The following SLC35F3 variants were observed in gnomAD, a reference collection of about 807,000 sequenced individuals.
SLC35F3 encodes solute carrier family 35 member F3.
SLC35F3 carries 25 observed loss-of-function variants against 49.9 expected under a neutral mutation model. That is an observed-to-expected ratio of 0.50 (90% confidence interval 0.37 to 0.70). The LOEUF (loss-of-function observed/expected upper bound fraction) is 0.70. Ranked by LOEUF, SLC35F3 falls within the 30% of genes least tolerant of loss-of-function variation. The pLI, the probability that SLC35F3 is intolerant of heterozygous loss-of-function variation, is 0.00. For synonymous variants in SLC35F3, 275 were observed against 265.4 expected (o/e 1.04, Z -0.35); for missense variants, 525 against 639.8 (o/e 0.82, Z 1.94).
At chr1:234,255,518 C>G (rs531783987) in intron 3 of SLC35F3, among the ~76,000 whole-genome samples, 10 of 152,292 alleles carry the variant, frequency 6.6e-5, no homozygotes, top group Non-Finnish European at 1.3e-4. Context: ...CCCAAATGAG[C>G]TGAAAACTTA....
intron 2 of SLC35F3, among the ~76,000 whole-genome samples, chr1:234,158,932 A>G (rs1335324126): frequency 6.6e-6 from 1 of 152,204 alleles, no homozygotes; most frequent in Non-Finnish European, 1.5e-5. Context: ...TTTTCCCCAT[A>G]GTAGACCATA....
At chr1:234,192,427 A>T (rs961287479) in intron 2 of SLC35F3, among the ~76,000 whole-genome samples, 1 of 152,198 alleles carries the variant, frequency 6.6e-6, no homozygotes, top group African/African-American at 2.4e-5. Flanking sequence ...CTTCAGCAAA[A>T]TCAGCATACA....
chr1:234,142,491 C>T (rs541550610), intron 2 of SLC35F3, among the ~76,000 whole-genome samples: 5 of 152,220 alleles, frequency 3.3e-5, no homozygotes, highest in South Asian at 2.1e-4. Flanking sequence ...GAAAGGGTTT[C>T]GGGGTGCAGA....
chr1:234,218,115 C>T lies in SLC35F3; in HGVS notation c.284-13302C>T, dbSNP rs35687454. Among the ~76,000 whole-genome samples the T allele has an allele frequency of 0.013, 1,973 of 152,270 alleles. 89 individuals carry two copies. In the East Asian group the frequency reaches 0.15, roughly 12 times the overall value. Reference sequence around the variant, plus strand: ...GCATCTGTCATGTCTAAAAACATACCTTGTTTTCACAGATCCTTTGCTTGG... The same window carrying T: ...GCATCTGTCATGTCTAAAAACATACTTTGTTTTCACAGATCCTTTGCTTGG... On this transcript the variant is annotated intron_variant, in intron 2 of 7. Coordinates refer to ENST00000366618, the MANE Select transcript of SLC35F3 (RefSeq NM_173508.4).
intron 2 of SLC35F3, among the ~76,000 whole-genome samples, chr1:234,042,537 GT>G (rs1664235855): frequency 6.6e-6 from 1 of 151,896 alleles, no homozygotes; most frequent in Non-Finnish European, 1.5e-5. Context: ...TTTTTCTTTT[GT>G]TTTTTTCAAC....
At position 234,059,255 on chromosome 1, in the gene SLC35F3, A is replaced by AG. The variant is rs1280535535; in HGVS notation, c.283+153499dup. Reference sequence around the variant, plus strand: ...TCTCGGTGTCTTATGGTAGAAGATTAGGTTTCTGATTTGATATGTGTCTTC... The same window carrying AG: ...TCTCGGTGTCTTATGGTAGAAGATTAGGGTTTCTGATTTGATATGTGTCTTC... On this transcript the variant is annotated intron_variant, in intron 2 of 7. Coordinates refer to ENST00000366618, the MANE Select transcript of SLC35F3 (RefSeq NM_173508.4). Among the ~76,000 whole-genome samples the AG allele has an allele frequency of 1.6e-4, 24 of 151,538 alleles. No individual in the cohort carries two copies. The East Asian group carries it at 4.7e-3, about 30-fold the overall frequency.
At chr1:234,151,457 C>T (rs1035931845) in intron 2 of SLC35F3, among the ~76,000 whole-genome samples, 5 of 150,892 alleles carry the variant, frequency 3.3e-5, no homozygotes, top group African/African-American at 9.7e-5. Flanking sequence ...GAAAGTGTGA[C>T]GGAAAAATGT....
At position 234,046,980 on chromosome 1, in the gene SLC35F3, G is replaced by T. The variant is rs1277566807; in HGVS notation, c.283+141222G>T. Among the ~76,000 whole-genome samples, 1 of 152,126 alleles carries T rather than the reference G, an allele frequency of 6.6e-6. No individual in the cohort carries two copies. Among genetic ancestry groups the T allele is most frequent in the Non-Finnish European group, 1.5e-5 (1 of 68,012 alleles). On this transcript the variant is annotated intron_variant, in intron 2 of 7. Coordinates refer to ENST00000366618, the MANE Select transcript of SLC35F3 (RefSeq NM_173508.4). This position sits in a 1 kb window ranked among gnomAD's most constrained non-coding sequence, Gnocchi z 4.4. ...TACTATAAGTCTCACTTCCTAACAG[G>T]TCAAATCCTCTATTTGGCTTTCTTC... is the stretch of plus-strand genomic sequence containing the variant.
At chr1:234,220,764 T>G (rs746571945) in intron 2 of SLC35F3, among the ~76,000 whole-genome samples, 69 of 152,138 alleles carry the variant, frequency 4.5e-4, no homozygotes, top group Non-Finnish European at 1.0e-4. Context: ...AGATTATGCC[T>G]AAACAATTCT....
chr1:234,097,070 G>T (rs1387008493), intron 2 of SLC35F3, among the ~76,000 whole-genome samples: 1 of 151,904 alleles, frequency 6.6e-6, no homozygotes, highest in African/African-American at 2.4e-5. Context: ...TGCATTTTTA[G>T]TAGAGACAGG....
intron 2 of SLC35F3, among the ~76,000 whole-genome samples, chr1:234,052,423 A>G (rs948729192): frequency 6.6e-6 from 1 of 152,064 alleles, no homozygotes; most frequent in African/African-American, 2.4e-5. Context: ...GTTTATTTGC[A>G]TAGAGGTGTT....
At chr1:234,016,388 C>G (rs1663802909) in intron 2 of SLC35F3, among the ~76,000 whole-genome samples, 1 of 152,088 alleles carries the variant, frequency 6.6e-6, no homozygotes, top group Non-Finnish European at 1.5e-5. Context: ...TGGAATCAAC[C>G]TAAGGATCCA....
chr1:234,077,958 G>GA (rs1419322397), intron 2 of SLC35F3, among the ~76,000 whole-genome samples: 1 of 152,108 alleles, frequency 6.6e-6, no homozygotes, highest in Admixed American at 6.5e-5. Context: ...TGTCAGGGAG[G>GA]AATTACTTCA....
At chr1:234,244,806 G>T (rs78104408) in intron 3 of SLC35F3, among the ~76,000 whole-genome samples, 26 of 151,918 alleles carry the variant, frequency 1.7e-4, no homozygotes, top group South Asian at 4.2e-4. Flanking sequence ...AGAATTTAGA[G>T]GATTTGTGCA....
rs1373405963 is a variant in SLC35F3, at chr1:234,117,932, G to GTATATATATATATATATATATATA, written c.284-113484_284-113483insATATATATATATATATATATATAT. Among the ~76,000 whole-genome samples, 4 of 51,738 alleles carry GTATATATATATATATATATATATA rather than the reference G, an allele frequency of 7.7e-5. No individual in the cohort carries two copies. In the Admixed American group the frequency reaches 9.4e-4, roughly 12 times the overall value. 33.9% of individuals were successfully genotyped at this position (51,738 alleles called of 152,430 possible). ...TATATATGTGTGTGTGTGTGTGTGT[G>GTATATATATATATATATATATATA]TGTGTGTGTGTGTGTGTGTGTGTGT... On this transcript the variant is annotated intron_variant, in intron 2 of 7. Coordinates refer to ENST00000366618, the MANE Select transcript of SLC35F3 (RefSeq NM_173508.4).
intron 2 of SLC35F3, among the ~76,000 whole-genome samples, chr1:233,985,504 A>G (rs1230057291): frequency 2.0e-5 from 3 of 152,224 alleles, no homozygotes; most frequent in African/African-American, 4.8e-5. Flanking sequence ...TTAACATGTC[A>G]TGTAAGTGTG....
intron 2 of SLC35F3, among the ~76,000 whole-genome samples, chr1:234,070,537 A>C (rs557270905): frequency 6.6e-6 from 1 of 152,318 alleles, no homozygotes; most frequent in Non-Finnish European, 1.5e-5. Context: ...AGTTTAGCAA[A>C]TATGGTGACC....
At chr1:234,321,749 G>A (rs759699534) in intron 7 of SLC35F3, among the ~76,000 whole-genome samples, 9 of 152,278 alleles carry the variant, frequency 5.9e-5, no homozygotes, top group Admixed American at 2.6e-4. Flanking sequence ...GAGAGAAGCC[G>A]GGGACCCTGC....
intron 3 of SLC35F3, among the ~76,000 whole-genome samples, chr1:234,272,668 A>G (rs947946222): frequency 6.6e-5 from 10 of 152,206 alleles, no homozygotes; most frequent in Non-Finnish European, 1.3e-4. Context: ...CTTTCTGAAG[A>G]TGCTTCTAGA....
Sources: allele counts gnomAD v4.1 joint callset (sites outside exome capture counted in the v4.1 genomes callset), GRCh38; gene constraint gnomAD v4.1.1; non-coding constraint Gnocchi (gnomAD v3.1); transcripts MANE v1.5; gene names NCBI Gene and HGNC (gene_info 2026-07-23, HGNC 2026-07-21).